The following IGF2BP1 variants were observed in gnomAD, a reference collection of about 807,000 sequenced individuals.
IGF2BP1 encodes the protein insulin-like growth factor 2 mRNA-binding protein 1.
A neutral mutation model predicts 74.9 loss-of-function variants in IGF2BP1; 11 were observed. That is an observed-to-expected ratio of 0.15 (90% CI 0.09 to 0.24). The LOEUF is 0.24. Ranked by LOEUF, IGF2BP1 falls within the 10% of genes least tolerant of loss-of-function variation. IGF2BP1 has a pLI of 1.00. For synonymous variants in IGF2BP1, 287 were observed against 281.8 expected, an observed-to-expected ratio of 1.02 and a Z score of -0.18; for missense variants, 440 against 757.4, an observed-to-expected ratio of 0.58 and a Z score of 4.92.
intron 2 of IGF2BP1, among the ~76,000 whole-genome samples, chr17:49,019,225 T>C (rs2041745070): frequency 1.3e-5 from 2 of 152,162 alleles, no homozygotes; most frequent in African/African-American, 2.4e-5. Flanking sequence ...CCATTCACAC[T>C]GTGCACAGTG....
At chr17:49,036,749 AGACCAGCCT>A (rs2144107330) in intron 5 of IGF2BP1, 1 of 153,046 alleles carries the variant, frequency 6.5e-6, no homozygotes, top group Admixed American at 6.5e-5. Flanking sequence ...CGGGAGTTGG[AGACCAGCCT>A]GACCAACATG....
At chr17:49,008,286 A>G (rs16945640) in intron 2 of IGF2BP1, among the ~76,000 whole-genome samples, 7,182 of 152,236 alleles carry the variant, frequency 0.047, 212 homozygotes, top group East Asian at 0.11. Context: ...ATGTACTAGG[A>G]TGTTGGCTGA....
rs2042168218 is a variant in IGF2BP1, at chr17:49,051,694, C to T, written c.*2250C>T. The T allele has an allele frequency of 6.6e-6, 1 of 152,146 alleles. No homozygotes were observed. The highest frequency in any genetic ancestry group is 2.4e-5 in the African/African-American group (1 of 41,492). 9.4% of individuals were successfully genotyped at this position (152,146 alleles called of 1,614,324 possible). ...GTTTTATCGAGGAGAGAAATAATAA[C>T]TAAAAAATATACCCTTTAAAAAAAC... On this transcript the variant is annotated 3_prime_UTR_variant, in exon 15 of 15. Transcript: ENST00000290341.
intron 5 of IGF2BP1, among the ~76,000 whole-genome samples, chr17:49,035,450 A>C (rs1052640160): frequency 2.6e-5 from 4 of 152,204 alleles, no homozygotes; most frequent in African/African-American, 7.2e-5. Context: ...AGATTGGAAT[A>C]CTGGTGTCCT....
At chr17:49,001,568 T>C (rs1226491263) in intron 2 of IGF2BP1, among the ~76,000 whole-genome samples, 1 of 152,180 alleles carries the variant, frequency 6.6e-6, no homozygotes, top group Non-Finnish European at 1.5e-5. Context: ...ATATAATTTG[T>C]ACCTTTTTAA....
At chr17:49,022,550 G>T (rs1036364421) in intron 2 of IGF2BP1, among the ~76,000 whole-genome samples, 12 of 152,102 alleles carry the variant, frequency 7.9e-5, no homozygotes, top group African/African-American at 2.9e-4. Flanking sequence ...CTGGTTGGGG[G>T]CAGGGGAGGG....
At position 49,055,836 on chromosome 17, in the gene IGF2BP1, GTTTTTTT is replaced by G. The variant is rs59508101; in HGVS notation, c.*6408_*6414del. 1.4e-4 allele frequency among the ~76,000 whole-genome samples: 18 copies of G among 125,864 alleles called. No individual in the cohort carries two copies. Among genetic ancestry groups the G allele is most frequent in the Admixed American group, 4.2e-4 (5 of 12,000 alleles). 82.6% of individuals were successfully genotyped at this position (125,864 alleles called of 152,430 possible). A position where few individuals can be genotyped will look rare whatever the true frequency, so the allele number is the denominator to read the frequency against. ...AGCTGGAGGCCTACTGCTTGGGACA[GTTTTTTT>G]TTTTTTTTTTTTTTTAAATATGAGT... On this transcript the variant is annotated 3_prime_UTR_variant, in exon 15 of 15. Transcript: ENST00000290341.
intron 11 of IGF2BP1, among the ~76,000 whole-genome samples, chr17:49,044,513 C>T (rs917374451): frequency 2.0e-5 from 3 of 152,200 alleles, no homozygotes; most frequent in Non-Finnish European, 4.4e-5. Context: ...CTTCCCTGGC[C>T]AAGGTCCAGG....
intron 2 of IGF2BP1, among the ~76,000 whole-genome samples, chr17:49,022,443 C>T (rs1467190931): frequency 6.6e-6 from 1 of 151,658 alleles, no homozygotes; most frequent in Non-Finnish European, 1.5e-5. Context: ...GTGTTTTAAT[C>T]AGGGCTGGGG....
intron 5 of IGF2BP1, among the ~76,000 whole-genome samples, chr17:49,034,135 T>TTTTTTG (rs1350227273): frequency 7.0e-6 from 1 of 142,458 alleles, no homozygotes; most frequent in African/African-American, 2.6e-5. Context: ...TTTTTTTTTT[T>TTTTTTG]GAGATGGAGT....
chr17:49,026,116 TAACCCACAGC>T (rs905438177), intron 3 of IGF2BP1, among the ~76,000 whole-genome samples: 3 of 152,062 alleles, frequency 2.0e-5, no homozygotes, highest in Admixed American at 6.6e-5. Context: ...TGGCCTCATG[TAACCCACAGC>T]CCCATCTTTA....
At chr17:49,007,194 A>C (rs1043568488) in intron 2 of IGF2BP1, among the ~76,000 whole-genome samples, 22 of 152,162 alleles carry the variant, frequency 1.4e-4, no homozygotes, top group Non-Finnish European at 2.8e-4. Flanking sequence ...GTTCATTTTC[A>C]TGTCCTGCTC....
intron 1 of IGF2BP1, among the ~76,000 whole-genome samples, chr17:48,998,713 A>C (rs1438144331): frequency 6.6e-6 from 1 of 150,758 alleles, no homozygotes; most frequent in African/African-American, 2.4e-5. Context: ...ATAAAGTTTC[A>C]TTCTGCACAC....
intron 2 of IGF2BP1, among the ~76,000 whole-genome samples, chr17:49,005,402 G>A (rs974012879): frequency 2.0e-5 from 3 of 152,216 alleles, no homozygotes; most frequent in Non-Finnish European, 4.4e-5. Context: ...GACTGAAATA[G>A]AGAGCAAACA....
At position 49,049,570 on chromosome 17, in the gene IGF2BP1, G is replaced by A; in HGVS notation, c.*126G>A. ...CTGGGCCGGGCTGTAGATCAGGTTT[G>A]CCCACTTGATTGAGAAAGATGTTCC... On this transcript the variant is annotated 3_prime_UTR_variant, in exon 15 of 15. Transcript: ENST00000290341. 1 of 734,542 alleles carries A rather than the reference G, an allele frequency of 1.4e-6. No individual in the cohort carries two copies. Among genetic ancestry groups the A allele is most frequent in the Non-Finnish European group, 2.3e-6 (1 of 441,262 alleles). The allele number at this position is 734,542 out of a possible 1,614,324, so 45.5% of individuals were successfully genotyped here.
chr17:49,014,853 A>T, intron 2 of IGF2BP1: 1 of 985,376 alleles, frequency 1.0e-6, no homozygotes, highest in Non-Finnish European at 1.2e-6. Flanking sequence ...GCTGCCGAAG[A>T]CAGATTGCTT....
chr17:49,026,934 C>T (rs966567351), intron 4 of IGF2BP1, among the ~76,000 whole-genome samples: 2 of 152,068 alleles, frequency 1.3e-5, no homozygotes, highest in Admixed American at 6.6e-5. Flanking sequence ...AGTAGAGACG[C>T]GTTTCACCAC....
intron 5 of IGF2BP1, among the ~76,000 whole-genome samples, chr17:49,035,280 C>T (rs1370877610): frequency 6.6e-6 from 1 of 152,242 alleles, no homozygotes; most frequent in African/African-American, 2.4e-5. Context: ...CTACCTTACA[C>T]TGAACACACA....
At chr17:49,001,874 T>C (rs2041491798) in intron 2 of IGF2BP1, among the ~76,000 whole-genome samples, 1 of 152,168 alleles carries the variant, frequency 6.6e-6, no homozygotes, top group African/African-American at 2.4e-5. Context: ...TTAGTGTGAC[T>C]TGATTACTTT....
Sources: allele counts gnomAD v4.1 joint callset (sites outside exome capture counted in the v4.1 genomes callset), GRCh38; gene constraint gnomAD v4.1.1; transcripts MANE v1.5; gene names NCBI Gene and HGNC (gene_info 2026-07-23, HGNC 2026-07-21).